ROBO2: variants seen among roughly 807,000 people sequenced by gnomAD.
The protein encoded by ROBO2 is roundabout homolog 2.
Under a neutral mutation model 160.8 loss-of-function variants are expected in ROBO2, and 53 were observed. That is an observed-to-expected ratio of 0.33 (90% CI 0.26 to 0.41). The LOEUF (loss-of-function observed/expected upper bound fraction) is 0.41. Among genes scored for constraint, ROBO2 ranks in the 10% least tolerant of loss-of-function variants. The pLI is 1.00. For synonymous variants in ROBO2, 664 were observed against 611.7 expected, an observed-to-expected ratio of 1.09 and a Z score of -1.26; for missense variants, 1,577 against 1,722.4, an observed-to-expected ratio of 0.92 and a Z score of 1.49.
intron 2 of ROBO2, among the ~76,000 whole-genome samples, chr3:76,169,421 C>T (rs1430476151): frequency 1.3e-5 from 2 of 152,174 alleles, no homozygotes; most frequent in African/African-American, 4.8e-5. Context: ...CTTTAAGCAA[C>T]AGGAAGAACT....
chr3:77,347,143 A>G (rs1173601075), intron 2 of ROBO2, among the ~76,000 whole-genome samples: 1 of 152,130 alleles, frequency 6.6e-6, no homozygotes, highest in Non-Finnish European at 1.5e-5. Context: ...AGTTCCATTT[A>G]AGTTTAGTTC....
chr3:77,314,914 G>A (rs11916295), intron 2 of ROBO2, among the ~76,000 whole-genome samples: 18,899 of 152,116 alleles, frequency 0.12, 1,374 homozygotes, highest in Admixed American at 0.22. Context: ...AATTTCAGTA[G>A]CATGTTTTCT....
chr3:76,547,581 AAT>A (rs1385970717), intron 2 of ROBO2, among the ~76,000 whole-genome samples: 1 of 152,104 alleles, frequency 6.6e-6, no homozygotes, highest in Non-Finnish European at 1.5e-5. Flanking sequence ...TTTTAAATTG[AAT>A]ATTATTCAAC....
rs527596451 is a variant in ROBO2 at position 76,319,859 on chromosome 3, T to C, written c.109+382257T>C. 5.9e-5 allele frequency among the ~76,000 whole-genome samples: 9 copies of C among 152,180 alleles called. No individual in the cohort carries two copies. The East Asian group carries it at 1.7e-3, about 29-fold the overall frequency. On this transcript the variant is annotated intron_variant, in intron 2 of 26. Transcript: ENST00000487694. ...ATTGAATATAGGTTATAATTTAGCT[T>C]AACGTAGAAATTCAAGTAATCTATG... is the stretch of plus-strand genomic sequence containing the variant.
intron 2 of ROBO2, among the ~76,000 whole-genome samples, chr3:77,193,275 C>A (rs56325332): frequency 0.14 from 20,724 of 144,498 alleles, 1,715 homozygotes; most frequent in Middle Eastern, 0.21. Context: ...ACAGATAATT[C>A]AAAAAAAAAA....
chr3:76,062,193 G>A (rs966281773), intron 2 of ROBO2, among the ~76,000 whole-genome samples: 1 of 152,116 alleles, frequency 6.6e-6, no homozygotes, highest in East Asian at 1.9e-4. Context: ...CAAAAATGGA[G>A]CCGACTTTTA....
At chr3:76,171,503 G>A (rs1197531676) in intron 2 of ROBO2, among the ~76,000 whole-genome samples, 1 of 151,962 alleles carries the variant, frequency 6.6e-6, no homozygotes, top group Non-Finnish European at 1.5e-5. Context: ...GCCAAACCAG[G>A]AACTTTATAA....
chr3:77,620,639 A>G (rs1436060106), intron 22 of ROBO2, among the ~76,000 whole-genome samples: 1 of 152,226 alleles, frequency 6.6e-6, no homozygotes, highest in Non-Finnish European at 1.5e-5. Flanking sequence ...TTGGGATCTG[A>G]TGATATTGAG....
intron 1 of ROBO2, among the ~76,000 whole-genome samples, chr3:77,061,140 C>T (rs1559926643): frequency 6.6e-6 from 1 of 151,982 alleles, no homozygotes. Context: ...AATATCATCC[C>T]AAAATATCAC....
rs2085229815 is a variant in ROBO2 at position 77,485,413 on chromosome 3, C to A, written c.667+4194C>A. ...TGATTCTGATTCCTGTATCCTGTAT[C>A]TTTGTATGTGATCAGTTTTCTTTTT... On this transcript the variant is annotated intron_variant, in intron 4 of 25. Transcript: ENST00000461745. 5.3e-5 allele frequency among the ~76,000 whole-genome samples: 8 copies of A among 151,958 alleles called. No individual in the cohort carries two copies. In the South Asian group the frequency reaches 1.7e-3, roughly 31 times the overall value.
chr3:76,465,566 A>G (rs1038943887), intron 2 of ROBO2, among the ~76,000 whole-genome samples: 27 of 152,070 alleles, frequency 1.8e-4, no homozygotes, highest in African/African-American at 6.5e-4. Flanking sequence ...AAATTGCAGC[A>G]GATCATTCAC....
chr3:77,418,003 G>A (rs1389564309), intron 2 of ROBO2, among the ~76,000 whole-genome samples: 6 of 151,970 alleles, frequency 3.9e-5, no homozygotes, highest in Non-Finnish European at 8.8e-5. Flanking sequence ...GTCTCTGACA[G>A]CAGATAAAAG....
intron 2 of ROBO2, among the ~76,000 whole-genome samples, chr3:77,283,254 C>A (rs1230132903): frequency 6.6e-6 from 1 of 152,078 alleles, no homozygotes; most frequent in African/African-American, 2.4e-5. Context: ...CCCTTTTCAC[C>A]ATTCAGCCAA....
intron 2 of ROBO2, among the ~76,000 whole-genome samples, chr3:77,349,709 C>T (rs1279838248): frequency 6.6e-6 from 1 of 152,140 alleles, no homozygotes; most frequent in Admixed American, 6.5e-5. Context: ...AATTCCAGAA[C>T]TTCCTGGGTT....
chr3:77,520,538 A>G (rs2153626566), intron 5 of ROBO2, among the ~76,000 whole-genome samples: 1 of 151,378 alleles, frequency 6.6e-6, no homozygotes, highest in South Asian at 2.1e-4. Context: ...TTAACTTGGA[A>G]TCATGGCTTC....
chr3:77,150,281 C>T (rs959585632), intron 2 of ROBO2, among the ~76,000 whole-genome samples: 6 of 151,984 alleles, frequency 3.9e-5, no homozygotes, highest in African/African-American at 1.5e-4. Flanking sequence ...CTTTTAGTGG[C>T]GAATGCATGC....
At chr3:76,993,127 G>A (rs368198343) in intron 2 of ROBO2, among the ~76,000 whole-genome samples, 65 of 152,116 alleles carry the variant, frequency 4.3e-4, no homozygotes, top group African/African-American at 1.4e-3. Flanking sequence ...CTAAAATCTC[G>A]AAAGTTTTTA....
intron 2 of ROBO2, among the ~76,000 whole-genome samples, chr3:76,309,034 G>T (rs1268425387): frequency 1.3e-5 from 2 of 151,924 alleles, no homozygotes; most frequent in Non-Finnish European, 2.9e-5. Flanking sequence ...TTTCTGTTCT[G>T]CCAAAGGGCC....
chr3:76,185,112 A>C (rs1701682122), intron 2 of ROBO2, among the ~76,000 whole-genome samples: 1 of 149,368 alleles, frequency 6.7e-6, no homozygotes, highest in Non-Finnish European at 1.5e-5. Context: ...TGGACTCAGA[A>C]AATAGTAACA....
Sources: allele counts gnomAD v4.1 joint callset (sites outside exome capture counted in the v4.1 genomes callset), GRCh38; gene constraint gnomAD v4.1.1; transcripts MANE v1.5; gene names NCBI Gene and HGNC (gene_info 2026-07-23, HGNC 2026-07-21).